SLC17A1: variants seen among roughly 807,000 people sequenced by gnomAD.
SLC17A1 encodes the protein sodium-dependent phosphate transport protein 1.
A neutral mutation model predicts 53.5 loss-of-function variants in SLC17A1; 51 were observed. The ratio of observed to expected loss-of-function variants is 0.95; its 90% CI spans 0.76 to 1.20. The LOEUF is 1.20. Ranked by LOEUF, SLC17A1 falls within the 50% of genes most tolerant of loss-of-function variation. SLC17A1 has a pLI of 0.00. For missense variants in SLC17A1, 538 were observed against 568.2 expected, an observed-to-expected ratio of 0.95 and a Z score of 0.54; for synonymous variants, 179 against 198.8, an observed-to-expected ratio of 0.90 and a Z score of 0.84.
At chr6:25,812,803 T>TA (rs756030405) in intron 8 of SLC17A1, 28 bp downstream of exon 8, 49 of 1,544,022 alleles carry the variant, frequency 3.2e-5, no homozygotes, top group South Asian at 4.8e-5. Context: ...TTCGTGAAGT[T>TA]AAAAAAAAGA....
intron 12 of SLC17A1, among the ~76,000 whole-genome samples, chr6:25,785,483 C>A (rs1274693422): frequency 6.6e-6 from 1 of 151,958 alleles, no homozygotes; most frequent in African/African-American, 2.4e-5. Flanking sequence ...TCATAAAAAT[C>A]AAAAACTTTG....
In SLC17A1 at chr6:25,811,504, GGTAA is replaced by G. The variant is rs762418256; in HGVS notation, c.1068_1071del (p.Tyr357Ter). The G allele has an allele frequency of 7.4e-6, 12 of 1,614,002 alleles. No individual in the cohort carries two copies. The South Asian group carries it at 1.3e-4, about 18-fold the overall frequency. ...ACAATGCTGTAGAAGGTGGAACTCA[GGTAA>G]GGCAGGCAGACACCAAAGATTGCAG... On this transcript the variant is annotated frameshift_variant, in exon 10 of 13. Coordinates refer to ENST00000244527, the MANE Select transcript of SLC17A1 (RefSeq NM_005074.5). LOFTEE classifies it high-confidence loss of function.
chr6:25,776,956 C>T, the SLC17A1 span: 1 of 1,610,444 alleles, frequency 6.2e-7, no homozygotes, highest in South Asian at 1.1e-5. Context: ...GATATTGCTC[C>T]TCGGTAGGGA....
chr6:25,818,353 GCTAGATA>G (rs1047713908), intron 6 of SLC17A1, among the ~76,000 whole-genome samples: 1 of 152,152 alleles, frequency 6.6e-6, no homozygotes, highest in African/African-American at 2.4e-5. Flanking sequence ...ACCTGGGGAT[GCTAGATA>G]TTCCGAGCTC....
Position 25,822,524 on chromosome 6 carries a change from C to T in SLC17A1, c.208-2609G>A, listed in dbSNP as rs140387790. ...TATTTCTTCATTTTTAAATGTAGTA[C>T]CTTATGTAGCAGTAAACTGAATTGT... On this transcript the variant is annotated intron_variant, in intron 3 of 12. Transcript: ENST00000244527. Among the ~76,000 whole-genome samples, 66 of 152,000 alleles carry T rather than the reference C, an allele frequency of 4.3e-4. No individual in the cohort carries two copies. In the East Asian group the frequency reaches 0.01, roughly 24 times the overall value.
intron 3 of SLC17A1, among the ~76,000 whole-genome samples, chr6:25,822,699 C>T (rs1238995525): frequency 6.6e-6 from 1 of 152,036 alleles, no homozygotes; most frequent in Non-Finnish European, 1.5e-5. Context: ...CGTGAGTAGC[C>T]ATTTCTCTAG....
At chr6:25,729,208 C>T in the SLC17A1 span, among the ~76,000 whole-genome samples, 3 of 152,160 alleles carry the variant, frequency 2.0e-5, no homozygotes, top group Non-Finnish European at 4.4e-5. Context: ...GCTTTTATAT[C>T]AGATGTATTT....
At chr6:25,746,015 CAG>C in the SLC17A1 span, among the ~76,000 whole-genome samples, 1 of 152,136 alleles carries the variant, frequency 6.6e-6, no homozygotes, top group Non-Finnish European at 1.5e-5. Context: ...ACTTAAAAGA[CAG>C]AGAGGATCAC....
At position 25,826,549 on chromosome 6, in the gene SLC17A1, A is replaced by T; in HGVS notation, c.119T>A (p.Leu40Gln). 1 of 1,612,360 alleles carries T rather than the reference A, an allele frequency of 6.2e-7. No individual in the cohort carries two copies. The highest frequency in any genetic ancestry group is 8.5e-7 in the Non-Finnish European group (1 of 1,178,850). Residue 40 changes from leucine to glutamine, a missense_variant, in exon 3 of 13, where the codon CTG becomes CAG. Leu to Gln is a moderately radical substitution (Grantham distance 113). Transcript: ENST00000244527. ...NVIITAQRAC[L>Q]NLTMVVMVNS... is the part of the protein sequence containing the mutation. Reference sequence around the variant, plus strand: ...CACCATGACTACCATTGTGAGGTTCAGGCACGCACGCTGTGCTGTTATTAT... The same window carrying T: ...CACCATGACTACCATTGTGAGGTTCTGGCACGCACGCTGTGCTGTTATTAT...
chr6:25,732,245 C>T, the SLC17A1 span, among the ~76,000 whole-genome samples: 1 of 152,182 alleles, frequency 6.6e-6, no homozygotes, highest in Non-Finnish European at 1.5e-5. Context: ...TGGCCCTCAA[C>T]CTACGTCATT....
rs936774838 is a variant in SLC17A1 at position 25,830,494 on chromosome 6, C to A, written c.34+30G>T. On this transcript the variant is annotated intron_variant, in intron 2 of 12. Coordinates refer to ENST00000244527, the MANE Select transcript of SLC17A1 (RefSeq NM_005074.5). The stretch of plus-strand genomic sequence containing the variant: ...GATGTAATATTTAAGAAAAAGAACA[C>A]CTGTTTAATGGAACAGAATAAAGTG... 5.3e-6 allele frequency: 8 copies of A among 1,500,666 alleles called. No homozygotes were observed. In the South Asian group the frequency reaches 7.9e-5, roughly 15 times the overall value. 93.0% of individuals were successfully genotyped at this position (1,500,666 alleles called of 1,614,324 possible). A position where few individuals can be genotyped will look rare whatever the true frequency, so the allele number is the denominator to read the frequency against.
At chr6:25,727,584 G>A in the SLC17A1 span, among the ~76,000 whole-genome samples, 1 of 147,108 alleles carries the variant, frequency 6.8e-6, no homozygotes, top group South Asian at 2.2e-4. Context: ...TAGAGACGGG[G>A]TTTCACCATG....
At chr6:25,727,070 T>A in the SLC17A1 span, 6 of 1,614,250 alleles carry the variant, frequency 3.7e-6, no homozygotes, top group Non-Finnish European at 5.1e-6. Context: ...ATCCGGACAC[T>A]GGCATCTCTT....
chr6:25,731,728 T>TGGCTCTTAAAAG, the SLC17A1 span: 1 of 1,223,638 alleles, frequency 8.2e-7, no homozygotes, highest in South Asian at 1.4e-5. Context: ...AAACTTTCAT[T>TGGCTCTTAAAAG]GGCTCTTAAA....
intron 10 of SLC17A1, among the ~76,000 whole-genome samples, chr6:25,801,532 A>G (rs1489677885): frequency 6.6e-6 from 1 of 152,236 alleles, no homozygotes; most frequent in Non-Finnish European, 1.5e-5. Context: ...GGTCAAACCC[A>G]TCAGCCATGA....
the SLC17A1 span, among the ~76,000 whole-genome samples, chr6:25,748,606 C>T: frequency 6.6e-6 from 1 of 152,110 alleles, no homozygotes; most frequent in African/African-American, 2.4e-5. Flanking sequence ...AGGAGACCGG[C>T]GCTCAGCATA....
downstream of SLC17A1, among the ~76,000 whole-genome samples, chr6:25,778,290 C>A (rs1763106723): frequency 6.6e-6 from 1 of 151,892 alleles, no homozygotes; most frequent in Non-Finnish European, 1.5e-5. Flanking sequence ...ATATACCATT[C>A]ACTTACTGGT....
chr6:25,775,147 T>C, the SLC17A1 span, among the ~76,000 whole-genome samples: 1 of 152,018 alleles, frequency 6.6e-6, no homozygotes, highest in Non-Finnish European at 1.5e-5. Context: ...CTGGCCAACA[T>C]GGTGAACCCC....
chr6:25,748,354 T>G, the SLC17A1 span, among the ~76,000 whole-genome samples: 1 of 152,110 alleles, frequency 6.6e-6, no homozygotes, highest in African/African-American at 2.4e-5. Context: ...ACAAAAAGAT[T>G]GGACATCCTA....
Sources: allele counts gnomAD v4.1 joint callset (sites outside exome capture counted in the v4.1 genomes callset), GRCh38; gene constraint gnomAD v4.1.1; transcripts MANE v1.5; gene names NCBI Gene and HGNC (gene_info 2026-07-23, HGNC 2026-07-21).